The following PCDHA13 variants were observed in gnomAD, a reference collection of about 807,000 sequenced individuals.
PCDHA13 encodes the protein protocadherin alpha 13.
A neutral mutation model predicts 64.8 loss-of-function variants in PCDHA13; 54 were observed. The observed-to-expected ratio is 0.83, with a 90% CI of 0.67 to 1.04. The LOEUF is 1.04. PCDHA13 is among the 50% of genes least tolerant of loss of function. The probability of loss-of-function intolerance (pLI) is 0.00; values close to 1 mark genes in which losing one functional copy is unlikely to be tolerated. For synonymous variants in PCDHA13, 587 were observed against 564.4 expected (o/e 1.04, Z -0.57); for missense variants, 1,248 against 1,254.3 (o/e 0.99, Z 0.08).
intron 1 of PCDHA13, among the ~76,000 whole-genome samples, chr5:140,900,465 C>T (rs936722061): frequency 1.3e-5 from 2 of 152,156 alleles, no homozygotes; most frequent in Admixed American, 1.3e-4. Context: ...TTAGTAGACA[C>T]GGAGTTTCTC....
At chr5:140,922,139 C>T (rs2080663133) in intron 1 of PCDHA13, among the ~76,000 whole-genome samples, 1 of 151,854 alleles carries the variant, frequency 6.6e-6, no homozygotes, top group South Asian at 2.1e-4. Flanking sequence ...TCTTATCCTC[C>T]ATGAAACTCA....
At chr5:140,967,555 C>G (rs782586326) in intron 1 of PCDHA13, 3 of 1,614,008 alleles carry the variant, frequency 1.9e-6, no homozygotes, top group Non-Finnish European at 2.5e-6. Context: ...CCACTTATCG[C>G]GTCCAGCTAC....
rs1417392698 is a variant in PCDHA13 at position 140,999,864 on chromosome 5, T to G, written c.2543-9763T>G. Among the ~76,000 whole-genome samples, 46 of 152,148 alleles carry G rather than the reference T, an allele frequency of 3.0e-4. 1 individual carries two copies. ...TGTATTTATCTCTTCCGCTCCAAGATTACTGAAAATTAGCCCAGCTGTAGC... is the reference window on the plus strand; with the variant it reads ...TGTATTTATCTCTTCCGCTCCAAGAGTACTGAAAATTAGCCCAGCTGTAGC... On this transcript the variant is annotated intron_variant, in intron 3 of 3. Coordinates refer to ENST00000289272, the MANE Select transcript of PCDHA13 (RefSeq NM_018904.3).
chr5:140,932,952 T>G (rs2088746376), intron 1 of PCDHA13, among the ~76,000 whole-genome samples: 1 of 152,008 alleles, frequency 6.6e-6, no homozygotes, highest in Non-Finnish European at 1.5e-5. Flanking sequence ...GAAGGTGGAC[T>G]AAATTGCTGA....
intron 1 of PCDHA13, among the ~76,000 whole-genome samples, chr5:140,964,622 T>C (rs1435749865): frequency 2.0e-5 from 3 of 152,048 alleles, no homozygotes; most frequent in Non-Finnish European, 4.4e-5. Flanking sequence ...ATTCCACTTA[T>C]AAGCCATTTA....
chr5:140,926,892 G>A (rs781956892), intron 1 of PCDHA13: 10 of 1,546,640 alleles, frequency 6.5e-6, no homozygotes, highest in African/African-American at 2.7e-5. Context: ...CTAGAGGGAG[G>A]ATGGTGGGCT....
chr5:140,915,458 G>T (rs1172885235), intron 1 of PCDHA13, among the ~76,000 whole-genome samples: 11 of 152,126 alleles, frequency 7.2e-5, no homozygotes, highest in African/African-American at 2.2e-4. Flanking sequence ...TTTCCAGAAG[G>T]TTTTTATTTG....
chr5:140,985,606 C>A (rs1008038466), intron 3 of PCDHA13, among the ~76,000 whole-genome samples: 1 of 152,300 alleles, frequency 6.6e-6, no homozygotes, highest in South Asian at 2.1e-4. Context: ...AGAGCCCTTT[C>A]CGTGAACCAG....
At chr5:140,986,618 C>T (rs782259734) in intron 3 of PCDHA13, among the ~76,000 whole-genome samples, 2 of 152,134 alleles carry the variant, frequency 1.3e-5, no homozygotes, top group African/African-American at 2.4e-5. Flanking sequence ...TCAGGCCTTA[C>T]CTAAGGCAAC....
At chr5:140,958,495 C>A (rs559117374) in intron 1 of PCDHA13, among the ~76,000 whole-genome samples, 1 of 152,020 alleles carries the variant, frequency 6.6e-6, no homozygotes, top group Non-Finnish European at 1.5e-5. Flanking sequence ...TCCACATATC[C>A]TAGGAGGCAT....
In PCDHA13 at chr5:140,882,307, A is replaced by C; in HGVS notation, c.39A>C (p.Gln13His). The change falls in exon 1 of 4, where the codon CAA becomes CAC. Residue 13 changes from glutamine to histidine, a missense_variant. Coordinates refer to ENST00000289272, the MANE Select transcript of PCDHA13 (RefSeq NM_018904.3). ...GGCAAGGAGGCCCAAGACCGCGGCA[A>C]CTACTGCTCTGGCTTCTGATCCTCG... ...SSWQGGPRPR[Q>H]LLLWLLILAA... The C allele has an allele frequency of 1.2e-6, 2 of 1,613,900 alleles. No homozygotes were observed. Among genetic ancestry groups the C allele is most frequent in the Non-Finnish European group, 1.7e-6 (2 of 1,179,826 alleles).
intron 1 of PCDHA13, among the ~76,000 whole-genome samples, chr5:140,914,843 A>G (rs1269507537): frequency 6.6e-6 from 1 of 152,142 alleles, no homozygotes; most frequent in Non-Finnish European, 1.5e-5. Context: ...CAAACACACA[A>G]AAGGAAGACT....
intron 1 of PCDHA13, among the ~76,000 whole-genome samples, chr5:140,933,853 A>G (rs192647657): frequency 6.6e-6 from 1 of 151,684 alleles, no homozygotes; most frequent in Non-Finnish European, 1.5e-5. Flanking sequence ...TGTACCTTTA[A>G]TTTTTTCAGA....
chr5:140,929,614 A>G (rs1554207224), intron 1 of PCDHA13: 1 of 405,948 alleles, frequency 2.5e-6, no homozygotes, highest in African/African-American at 2.1e-5. Context: ...ATAAAATACC[A>G]AAATATTTTA....
At chr5:140,979,243 C>T (rs1554240401) in intron 2 of PCDHA13, among the ~76,000 whole-genome samples, 1 of 152,178 alleles carries the variant, frequency 6.6e-6, no homozygotes, top group Non-Finnish European at 1.5e-5. Context: ...CAGAAACAGG[C>T]TGCTATGTAT....
At chr5:140,995,819 C>T (rs1045622508) in intron 3 of PCDHA13, among the ~76,000 whole-genome samples, 1 of 152,088 alleles carries the variant, frequency 6.6e-6, no homozygotes, top group African/African-American at 2.4e-5. Flanking sequence ...AGGGAGATAG[C>T]CTGGCATTGC....
chr5:140,916,022 A>G (rs982398362), intron 1 of PCDHA13, among the ~76,000 whole-genome samples: 1 of 151,978 alleles, frequency 6.6e-6, no homozygotes, highest in Non-Finnish European at 1.5e-5. Context: ...AGTCTTTCCC[A>G]TTCTTCCCTC....
chr5:140,911,729 C>G (rs571299791), intron 1 of PCDHA13, among the ~76,000 whole-genome samples: 1 of 152,134 alleles, frequency 6.6e-6, no homozygotes, highest in Non-Finnish European at 1.5e-5. Flanking sequence ...GTAAACAGTT[C>G]GTGCCAAGGA....
intron 3 of PCDHA13, among the ~76,000 whole-genome samples, chr5:141,008,567 T>C (rs1171779674): frequency 1.3e-5 from 2 of 152,182 alleles, no homozygotes; most frequent in African/African-American, 4.8e-5. Flanking sequence ...TGCATAATCA[T>C]TTTCCCAAGA....
Sources: allele counts gnomAD v4.1 joint callset (sites outside exome capture counted in the v4.1 genomes callset), GRCh38; gene constraint gnomAD v4.1.1; transcripts MANE v1.5; gene names NCBI Gene and HGNC (gene_info 2026-07-23, HGNC 2026-07-21).